The following KCNH1 variants were observed in gnomAD, a reference collection of about 807,000 sequenced individuals.
The protein encoded by KCNH1 is potassium voltage-gated channel subfamily H member 1, also known as voltage-gated delayed rectifier potassium channel KCNH1.
Under a neutral mutation model 69.2 loss-of-function variants are expected in KCNH1, and 27 were observed. The observed-to-expected ratio is 0.39, with a 90% CI of 0.29 to 0.54. KCNH1 has a LOEUF of 0.54. Ranked by LOEUF, KCNH1 falls within the 20% of genes least tolerant of loss-of-function variation. The probability of loss-of-function intolerance (pLI) is 0.68; values close to 1 mark genes in which losing one functional copy is unlikely to be tolerated. For synonymous variants in KCNH1, 456 were observed against 487.7 expected (o/e 0.93, Z 0.86); for missense variants, 798 against 1,261.6 (o/e 0.63, Z 5.57).
chr1:210,782,542 G>T (rs930086127), intron 9 of KCNH1, among the ~76,000 whole-genome samples: 4 of 152,052 alleles, frequency 2.6e-5, no homozygotes, highest in Non-Finnish European at 4.4e-5. Flanking sequence ...CCTGGCCAAT[G>T]TGGTGAAATC....
Position 210,681,367 on chromosome 1 carries a change from C to G in KCNH1, c.*1914G>C, listed in dbSNP as rs1308569533. 6.6e-6 allele frequency: 1 copy of G among 152,248 alleles called. No individual in the cohort carries two copies. The highest frequency in any genetic ancestry group is 1.5e-5 in the Non-Finnish European group (1 of 68,068). The allele number at this position is 152,248 out of a possible 1,614,324, so 9.4% of individuals were successfully genotyped here. ...CTTACTTGTATGCCGCCATCTGAGGCTAAATCTAATTATGTCGCAACCTGG... is the reference window on the plus strand; with the variant it reads ...CTTACTTGTATGCCGCCATCTGAGGGTAAATCTAATTATGTCGCAACCTGG... On this transcript the variant is annotated 3_prime_UTR_variant, in exon 11 of 11. Transcript: ENST00000271751.
chr1:211,096,636 G>A (rs750505938), intron 3 of KCNH1, among the ~76,000 whole-genome samples: 12 of 152,140 alleles, frequency 7.9e-5, no homozygotes, highest in Non-Finnish European at 1.6e-4. Flanking sequence ...TAAATGGAGA[G>A]TTGAATTGTT....
At chr1:211,009,496 A>G (rs149368294) in intron 6 of KCNH1, among the ~76,000 whole-genome samples, 517 of 152,306 alleles carry the variant, frequency 3.4e-3, no homozygotes, top group Non-Finnish European at 4.3e-3. Flanking sequence ...GAGGAAATGA[A>G]TTCAGCACAG....
chr1:210,988,530 C>T (rs1688885534), intron 6 of KCNH1, among the ~76,000 whole-genome samples: 1 of 152,102 alleles, frequency 6.6e-6, no homozygotes, highest in Non-Finnish European at 1.5e-5. Flanking sequence ...TAATACATGC[C>T]ATGTCTATTG....
chr1:211,099,616 C>T (rs143545905), intron 3 of KCNH1, among the ~76,000 whole-genome samples: 41 of 152,088 alleles, frequency 2.7e-4, no homozygotes, highest in African/African-American at 7.0e-4. Context: ...CTGGCTCTGA[C>T]GCCCTCACTT....
intron 10 of KCNH1, among the ~76,000 whole-genome samples, chr1:210,745,878 G>A (rs889655756): frequency 3.2e-4 from 49 of 152,182 alleles, no homozygotes; most frequent in African/African-American, 1.1e-3. Context: ...CAGGCCTGTG[G>A]TGGGTGGTAG....
chr1:210,930,597 G>GA (rs1246420595), intron 6 of KCNH1, among the ~76,000 whole-genome samples: 1 of 151,970 alleles, frequency 6.6e-6, no homozygotes, highest in Non-Finnish European at 1.5e-5. Flanking sequence ...GATAACATTG[G>GA]AAAAAACCCT....
At chr1:210,917,217 G>GAC (rs1422919768) in intron 7 of KCNH1, among the ~76,000 whole-genome samples, 7 of 88,614 alleles carry the variant, frequency 7.9e-5, no homozygotes, top group Non-Finnish European at 1.7e-4. Flanking sequence ...CAGAGAGAGA[G>GAC]AGAGAGAGAG....
chr1:211,036,899 T>TA (rs1689909095), intron 5 of KCNH1, among the ~76,000 whole-genome samples: 3 of 152,294 alleles, frequency 2.0e-5, no homozygotes, highest in Admixed American at 2.0e-4. Context: ...ATAATGTCAC[T>TA]AGTCCACACT....
At chr1:210,884,011 T>G (rs945966876) in intron 7 of KCNH1, among the ~76,000 whole-genome samples, 1 of 152,154 alleles carries the variant, frequency 6.6e-6, no homozygotes, top group Admixed American at 6.6e-5. Context: ...CTACAGACAC[T>G]AACAGCTCTA....
chr1:210,896,531 A>G (rs763871647), intron 7 of KCNH1, among the ~76,000 whole-genome samples: 3 of 152,228 alleles, frequency 2.0e-5, no homozygotes, highest in Non-Finnish European at 2.9e-5. Context: ...TAATATGAAC[A>G]GTAAGCAGAC....
intron 10 of KCNH1, among the ~76,000 whole-genome samples, chr1:210,727,777 A>G (rs1373515347): frequency 6.6e-6 from 1 of 152,192 alleles, no homozygotes; most frequent in Admixed American, 6.5e-5. Context: ...CCTTTCCAAT[A>G]TTCAAAACAG....
chr1:210,820,950 C>T lies in KCNH1; in HGVS notation c.1463-16784G>A, dbSNP rs548136059. ...ACTTTGATTTTAGACTTTTGACCTC[C>T]GGAACTATAAGGGAATAAATTTGTG... On this transcript the variant is annotated intron_variant, in intron 7 of 10. Transcript: ENST00000271751. 1.1e-4 allele frequency among the ~76,000 whole-genome samples: 16 copies of T among 152,196 alleles called. No individual in the cohort carries two copies. In the South Asian group the frequency reaches 2.5e-3, roughly 24 times the overall value.
intron 6 of KCNH1, among the ~76,000 whole-genome samples, chr1:210,972,664 A>G (rs1191890302): frequency 1.3e-5 from 2 of 152,192 alleles, no homozygotes; most frequent in Non-Finnish European, 2.9e-5. Context: ...CAGTCATTTC[A>G]GTGATAGAAC....
At chr1:211,048,861 G>C (rs1690140865) in intron 5 of KCNH1, among the ~76,000 whole-genome samples, 1 of 152,112 alleles carries the variant, frequency 6.6e-6, no homozygotes, top group Admixed American at 6.5e-5. Flanking sequence ...TAATAGTTTT[G>C]TGCAAATAAA....
At chr1:211,083,135 C>T (rs184225166) in intron 4 of KCNH1, among the ~76,000 whole-genome samples, 16 of 152,354 alleles carry the variant, frequency 1.1e-4, no homozygotes, top group Admixed American at 4.6e-4. Context: ...GAAGTTGGTA[C>T]AGCAGGTTTT....
At chr1:211,115,908 G>A (rs1474295726) in intron 1 of KCNH1, among the ~76,000 whole-genome samples, 1 of 151,932 alleles carries the variant, frequency 6.6e-6, no homozygotes, top group East Asian at 1.9e-4. Context: ...GCCAAGGTGG[G>A]AGAATTGCTT....
chr1:211,057,422 G>C (rs138061733), intron 5 of KCNH1, among the ~76,000 whole-genome samples: 1,854 of 152,274 alleles, frequency 0.012, 42 homozygotes, highest in African/African-American at 0.042. Flanking sequence ...GATCGCTTGA[G>C]CCCAGGAGTT....
intron 10 of KCNH1, among the ~76,000 whole-genome samples, chr1:210,691,794 C>G (rs937526887): frequency 6.6e-6 from 1 of 152,150 alleles, no homozygotes; most frequent in African/African-American, 2.4e-5. Flanking sequence ...CAGGATGGAC[C>G]AATGACTTAG....
Sources: gnomAD v4.1 joint callset for allele counts (sites outside exome capture counted in the v4.1 genomes callset) on GRCh38, gnomAD v4.1.1 for gene constraint, MANE v1.5 for transcripts, NCBI Gene and HGNC (gene_info 2026-07-23, HGNC 2026-07-21) for gene names.